Variants in ERN1 observed in about 807,000 individuals in gnomAD.
ERN1 encodes the protein endoplasmic reticulum to nucleus signaling 1.
ERN1 carries 39 observed loss-of-function variants against 113.1 expected under a neutral mutation model. The observed-to-expected ratio is 0.34, with a 90% CI of 0.27 to 0.45. The LOEUF (loss-of-function observed/expected upper bound fraction) is 0.45, where lower values mean the gene tolerates loss of function less well. Among genes scored for constraint, ERN1 ranks in the 20% least tolerant of loss-of-function variants. The pLI is 1.00. For missense variants in ERN1, 976 were observed against 1,274.8 expected, an observed-to-expected ratio of 0.77 and a Z score of 3.57; for synonymous variants, 507 against 515.9, an observed-to-expected ratio of 0.98 and a Z score of 0.23.
In ERN1 at chr17:64,054,477, C is replaced by T. The variant is rs558405290; in HGVS notation, c.1764-38G>A. 8.5e-6 allele frequency: 13 copies of T among 1,531,472 alleles called. No individual in the cohort carries two copies. Among genetic ancestry groups the T allele is most frequent in the South Asian group, 6.1e-5 (5 of 82,550 alleles). 94.9% of individuals were successfully genotyped at this position (1,531,472 alleles called of 1,614,324 possible). A position where few individuals can be genotyped will look rare whatever the true frequency, so the allele number is the denominator to read the frequency against. ...GAGTGGGAGTTGTGTCTGGGAAGCACGAGTCAGGCTGTGTAAATGAGGTGA... is the reference window on the plus strand; with the variant it reads ...GAGTGGGAGTTGTGTCTGGGAAGCATGAGTCAGGCTGTGTAAATGAGGTGA... On this transcript the variant is annotated intron_variant, in intron 14 of 21. Coordinates refer to ENST00000433197, the MANE Select transcript of ERN1 (RefSeq NM_001433.5). This position sits in a 1 kb window ranked among gnomAD's most constrained non-coding sequence, Gnocchi z 4.9.
At chr17:64,052,647 G>A in intron 17 of ERN1, 133 bp downstream of exon 17, 1 of 702,060 alleles carries the variant, frequency 1.4e-6, no homozygotes, top group Non-Finnish European at 2.2e-6. Context: ...TCACACAGAA[G>A]CTCTTGGTGA....
chr17:64,078,925 G>A (rs1913682018), intron 4 of ERN1, among the ~76,000 whole-genome samples: 1 of 152,222 alleles, frequency 6.6e-6, no homozygotes, highest in Non-Finnish European at 1.5e-5. Context: ...AGGCTGGCTT[G>A]AGCCTGTGAG....
chr17:64,060,276 A>G (rs1208668219), intron 11 of ERN1, among the ~76,000 whole-genome samples, 193 bp downstream of exon 11: 1 of 152,102 alleles, frequency 6.6e-6, no homozygotes, highest in East Asian at 1.9e-4. Context: ...CCTTTCCTGC[A>G]CCTTCTTTCA....
chr17:64,051,931 C>T (rs973821105), intron 17 of ERN1, among the ~76,000 whole-genome samples: 4 of 152,170 alleles, frequency 2.6e-5, no homozygotes, highest in East Asian at 1.9e-4. Context: ...TTAGGAGACA[C>T]GTGCTGAGGT....
chr17:64,116,826 C>G (rs546367904), intron 1 of ERN1, among the ~76,000 whole-genome samples: 1 of 151,864 alleles, frequency 6.6e-6, no homozygotes, highest in Non-Finnish European at 1.5e-5. Context: ...ACAACGTGGC[C>G]GGGAGCGGTG....
At chr17:64,058,099 T>C (rs1420406591) in intron 11 of ERN1, 106 bp from the exon 12 acceptor site, 1 of 859,898 alleles carries the variant, frequency 1.2e-6, no homozygotes, top group Non-Finnish European at 1.7e-6. Context: ...ATGACTGTAC[T>C]GCAGGGGGTT....
chr17:64,051,167 AAAG>A (rs889007757), intron 17 of ERN1, among the ~76,000 whole-genome samples: 4 of 152,066 alleles, frequency 2.6e-5, no homozygotes, highest in Non-Finnish European at 4.4e-5. Flanking sequence ...GAAAAAAAAA[AAAG>A]AGAGAGAGAA....
At chr17:64,056,122 C>T (rs549198888) in intron 12 of ERN1, among the ~76,000 whole-genome samples, 174 bp from the exon 13 acceptor site, 72 of 152,262 alleles carry the variant, frequency 4.7e-4, no homozygotes, top group Non-Finnish European at 8.7e-4. Context: ...GATGACTGGA[C>T]GTCTTTCCAC....
intron 1 of ERN1, among the ~76,000 whole-genome samples, chr17:64,102,499 T>C (rs1914414732): frequency 6.6e-6 from 1 of 152,184 alleles, no homozygotes; most frequent in Admixed American, 6.5e-5. Context: ...CTCGGAACAG[T>C]GTTATTCTCT....
chr17:64,054,195 C>G lies in ERN1; in HGVS notation c.1953+55G>C. On this transcript the variant is annotated intron_variant, in intron 15 of 21. Coordinates refer to ENST00000433197, the MANE Select transcript of ERN1 (RefSeq NM_001433.5). This position sits in a 1 kb window ranked among gnomAD's most constrained non-coding sequence, Gnocchi z 4.9. ...GCTCACGTGATCTGCTCACTTTGGC[C>G]TCCCAAAGTGCTATGACTTTAATAA... The G allele has an allele frequency of 6.8e-7, 1 of 1,474,152 alleles. No homozygotes were observed. Among genetic ancestry groups the G allele is most frequent in the Non-Finnish European group, 9.2e-7 (1 of 1,089,682 alleles). The allele number at this position is 1,474,152 out of a possible 1,614,324, so 91.3% of individuals were successfully genotyped here. A position where few individuals can be genotyped will look rare whatever the true frequency, so the allele number is the denominator to read the frequency against.
intron 10 of ERN1, 32 bp from the exon 11 acceptor site, chr17:64,060,619 C>G (rs769704295): frequency 1.3e-6 from 2 of 1,520,608 alleles, no homozygotes; most frequent in Non-Finnish European, 1.8e-6. Context: ...TTAGTGAGAA[C>G]AATTTCCCGA....
At chr17:64,077,737 A>C (rs2143404014) in intron 4 of ERN1, among the ~76,000 whole-genome samples, 1 of 150,090 alleles carries the variant, frequency 6.7e-6, no homozygotes, top group Middle Eastern at 3.5e-3. Context: ...GGTGAACAAA[A>C]GTGCATTTCT....
chr17:64,055,760 G>A lies in ERN1; in HGVS notation c.1587C>T (p.Ser529=), dbSNP rs754109329. The A allele has an allele frequency of 4.3e-6, 7 of 1,609,822 alleles. No homozygotes were observed. In the South Asian group the frequency reaches 6.6e-5, roughly 15 times the overall value. The change falls in exon 13 of 22, where the codon TCC becomes TCT. Residue 529 remains serine (S), a synonymous_variant. Coordinates refer to ENST00000433197, the MANE Select transcript of ERN1 (RefSeq NM_001433.5). ...ESSGTSSPST[S]PRASNHSLCS... ...AGAGCGAGTGGTTGGAGGCCCTGGG[G>A]GACGTGCTGGGGCTGCTGGTGCCCG...
intron 1 of ERN1, among the ~76,000 whole-genome samples, chr17:64,125,143 A>G (rs1174666159): frequency 3.3e-5 from 5 of 152,254 alleles, no homozygotes; most frequent in African/African-American, 9.6e-5. Context: ...ATTATATCTC[A>G]ATAAAATTGT....
chr17:64,066,615 A>G, intron 8 of ERN1, 56 bp downstream of exon 8: 1 of 1,597,370 alleles, frequency 6.3e-7, no homozygotes, highest in African/African-American at 1.3e-5. Context: ...ACACTGCAAC[A>G]GCACCAGAAC....
At chr17:64,066,990 C>A in intron 7 of ERN1, 58 bp from the exon 8 acceptor site, 1 of 1,573,092 alleles carries the variant, frequency 6.4e-7, no homozygotes, top group Non-Finnish European at 8.7e-7. Context: ...CAACCACATC[C>A]TCTACTCTTG....
chr17:64,098,636 C>A (rs1914299375), intron 1 of ERN1: 1 of 509,956 alleles, frequency 2.0e-6, no homozygotes, highest in African/African-American at 1.9e-5. Context: ...CCCACGCATA[C>A]ACACATTCAT....
chr17:64,124,484 T>C (rs924675520), intron 1 of ERN1, among the ~76,000 whole-genome samples: 2 of 152,196 alleles, frequency 1.3e-5, no homozygotes, highest in South Asian at 2.1e-4. Context: ...GATGGGTCTT[T>C]CCCGTGCTGT....
chr17:64,059,778 T>G (rs1912993482), intron 11 of ERN1, among the ~76,000 whole-genome samples: 1 of 151,830 alleles, frequency 6.6e-6, no homozygotes, highest in African/African-American at 2.4e-5. Context: ...CCCCTGGAAC[T>G]CTGTGCAAAT....
Sources: gnomAD v4.1 joint callset for allele counts (sites outside exome capture counted in the v4.1 genomes callset) on GRCh38, gnomAD v4.1.1 for gene constraint, Gnocchi (gnomAD v3.1) non-coding constraint, MANE v1.5 for transcripts, NCBI Gene and HGNC (gene_info 2026-07-23, HGNC 2026-07-21) for gene names.